The following EXTL3 variants were observed in gnomAD, a reference collection of about 807,000 sequenced individuals.
The protein encoded by EXTL3 is exostosin like glycosyltransferase 3.
In EXTL3, 27 loss-of-function variants were observed where a neutral mutation model predicts 69.3. That is an observed-to-expected ratio of 0.39 (90% CI 0.29 to 0.54). The LOEUF is 0.54. Ranked by LOEUF, EXTL3 falls within the 20% of genes least tolerant of loss-of-function variation. The pLI, the probability that EXTL3 is intolerant of heterozygous loss-of-function variation, is 0.69. For synonymous variants in EXTL3, 511 were observed against 499.4 expected, an observed-to-expected ratio of 1.02 and a Z score of -0.31; for missense variants, 1,003 against 1,231.8, an observed-to-expected ratio of 0.81 and a Z score of 2.78.
At chr8:28,618,723 G>A (rs926701831), upstream of EXTL3, among the ~76,000 whole-genome samples, 2 of 152,086 alleles carry the variant, frequency 1.3e-5, no homozygotes, top group Non-Finnish European at 2.9e-5. Flanking sequence ...GGCCAGGCAC[G>A]AGAAAATAGG....
chr8:28,703,375 C>A (rs888634790), intron 1 of EXTL3, among the ~76,000 whole-genome samples: 1 of 152,030 alleles, frequency 6.6e-6, no homozygotes, highest in Admixed American at 6.6e-5. Context: ...GAGTTTTGAC[C>A]TCGGAGTAAA....
intron 1 of EXTL3, among the ~76,000 whole-genome samples, chr8:28,628,640 C>G (rs17088357): frequency 0.058 from 8,828 of 152,232 alleles, 721 homozygotes; most frequent in African/African-American, 0.18. Flanking sequence ...GGCCTAGGAG[C>G]TTGTGACAAA....
At chr8:28,650,196 AGG>A (rs1806895921) in intron 1 of EXTL3, among the ~76,000 whole-genome samples, 1 of 135,708 alleles carries the variant, frequency 7.4e-6, no homozygotes. Flanking sequence ...ACTCTGTCTC[AGG>A]AAAAAAAAAA....
rs140470102 is a variant in EXTL3, at chr8:28,746,862, G to A, written c.2550+3648G>A. On this transcript the variant is annotated intron_variant, in intron 6 of 6. Transcript: ENST00000220562. ...CGCTAATTTTTATATTTTTAGTAGA[G>A]AAGGGGTTTCACCATGTTGGCCAGG... Among the ~76,000 whole-genome samples the A allele has an allele frequency of 3.0e-3, 457 of 152,284 alleles. 3 individuals are homozygous for A. Among genetic ancestry groups the A allele is most frequent in the African/African-American group, 0.011 (442 of 41,552 alleles).
At chr8:28,681,854 GA>G (rs1384740858) in intron 1 of EXTL3, among the ~76,000 whole-genome samples, 1 of 152,154 alleles carries the variant, frequency 6.6e-6, no homozygotes, top group African/African-American at 2.4e-5. Context: ...GGGAATTCGA[GA>G]CCAGCCTGAC....
In EXTL3 at chr8:28,716,896, A is replaced by G; in HGVS notation, c.837A>G (p.Ser279=). ...DGHNHVIINL[S]RKSDTQNLLY... ...ACAACCATGTCATCATCAATCTGTC[A>G]CGTAAGTCAGATACACAGAACCTTC... Residue 279 remains serine, a synonymous_variant, in exon 3 of 7, where the codon TCA becomes TCG. Transcript: ENST00000220562. The surrounding 1 kb of genome is among the most constrained non-coding windows in gnomAD (Gnocchi z 7.1). The G allele has an allele frequency of 6.2e-7, 1 of 1,614,180 alleles. No homozygotes were observed. Among genetic ancestry groups the G allele is most frequent in the Non-Finnish European group, 8.5e-7 (1 of 1,180,024 alleles).
chr8:28,701,860 G>A (rs191953963), intron 1 of EXTL3, among the ~76,000 whole-genome samples: 1,900 of 152,218 alleles, frequency 0.012, 42 homozygotes, highest in African/African-American at 0.043. Flanking sequence ...TGGCTCGGGG[G>A]CCCGGGGAGA....
intron 2 of EXTL3, among the ~76,000 whole-genome samples, chr8:28,609,395 G>T (rs1385414681): frequency 1.3e-5 from 2 of 151,798 alleles, no homozygotes; most frequent in Non-Finnish European, 2.9e-5. Flanking sequence ...GTGGACTTGG[G>T]TGCATTTCGG....
chr8:28,730,726 T>G (rs985409357), intron 3 of EXTL3, among the ~76,000 whole-genome samples: 1 of 152,114 alleles, frequency 6.6e-6, no homozygotes, highest in Non-Finnish European at 1.5e-5. Context: ...ATTTCAAAGG[T>G]GAAGTAACTA....
chr8:28,658,590 C>A (rs1807052775), intron 1 of EXTL3, among the ~76,000 whole-genome samples: 1 of 152,072 alleles, frequency 6.6e-6, no homozygotes, highest in Non-Finnish European at 1.5e-5. Context: ...AAAGTTTCCT[C>A]ATGCACTCTT....
Position 28,718,073 on chromosome 8 carries a change from C to T in EXTL3, c.2014C>T (p.Arg672Trp). The T allele has an allele frequency of 1.9e-6, 3 of 1,613,632 alleles. No individual in the cohort carries two copies. Among genetic ancestry groups the T allele is most frequent in the Non-Finnish European group, 1.7e-6 (2 of 1,179,896 alleles). Reference protein sequence around the residue: ...QFTVVMLTYEREEVLMNSLER... With the variant: ...QFTVVMLTYEWEEVLMNSLER... ...CACGGTGGTGATGTTGACTTATGAG[C>T]GGGAGGAAGTGCTTATGAACTCTTT... The change falls in exon 3 of 7, where the codon CGG becomes TGG. Residue 672 changes from arginine to tryptophan, a missense_variant. Physicochemically the swap from Arg to Trp is moderately radical, Grantham distance 101 (BLOSUM62 -3). This residue lies in a region of EXTL3 where 261 missense variants were observed against 416.4 expected (regional missense o/e 0.63). Coordinates refer to ENST00000220562, the MANE Select transcript of EXTL3 (RefSeq NM_001440.4).
chr8:28,666,346 T>TATGA (rs1055239786), intron 1 of EXTL3, among the ~76,000 whole-genome samples: 1 of 152,094 alleles, frequency 6.6e-6, no homozygotes, highest in Non-Finnish European at 1.5e-5. Flanking sequence ...GGCATGATCA[T>TATGA]GGCTTCCTAC....
At chr8:28,725,377 T>C (rs1056996824) in intron 3 of EXTL3, among the ~76,000 whole-genome samples, 7 of 152,140 alleles carry the variant, frequency 4.6e-5, no homozygotes, top group Admixed American at 2.6e-4. Context: ...TGGGCATTGC[T>C]CCTGGCTTGA....
At chr8:28,637,058 G>A (rs774625858) in intron 1 of EXTL3, among the ~76,000 whole-genome samples, 1 of 152,038 alleles carries the variant, frequency 6.6e-6, no homozygotes, top group Non-Finnish European at 1.5e-5. Flanking sequence ...AGGAAACATA[G>A]TGTTATATCA....
chr8:28,611,854 G>C (rs1355271268), intron 2 of EXTL3, among the ~76,000 whole-genome samples: 1 of 152,184 alleles, frequency 6.6e-6, no homozygotes, highest in African/African-American at 2.4e-5. Flanking sequence ...ATACAGAACC[G>C]AGTCTGTTCG....
At chr8:28,748,677 C>G (rs1354312713) in intron 6 of EXTL3, among the ~76,000 whole-genome samples, 2 of 152,100 alleles carry the variant, frequency 1.3e-5, no homozygotes, top group Non-Finnish European at 2.9e-5. Context: ...TGGAGATCTC[C>G]TACCCGTTGC....
At chr8:28,705,492 A>G (rs1191921365) in intron 1 of EXTL3, among the ~76,000 whole-genome samples, 1 of 151,706 alleles carries the variant, frequency 6.6e-6, no homozygotes, top group Non-Finnish European at 1.5e-5. Context: ...CGGAGGTGAG[A>G]GGATCACCTT....
chr8:28,632,450 G>A (rs1475771869), intron 1 of EXTL3, among the ~76,000 whole-genome samples: 3 of 151,822 alleles, frequency 2.0e-5, no homozygotes, highest in Non-Finnish European at 4.4e-5. Flanking sequence ...TTAAAGTTAA[G>A]GTATATAAAC....
chr8:28,683,059 C>T (rs1807518827), intron 1 of EXTL3, among the ~76,000 whole-genome samples: 1 of 152,160 alleles, frequency 6.6e-6, no homozygotes, highest in Non-Finnish European at 1.5e-5. Context: ...TGTGGAAGAG[C>T]AATTGACTAT....
Sources: gnomAD v4.1 joint callset for allele counts (sites outside exome capture counted in the v4.1 genomes callset) on GRCh38, gnomAD v4.1.1 for gene constraint, gnomAD v4.1.1 regional missense constraint, Gnocchi (gnomAD v3.1) non-coding constraint, MANE v1.5 for transcripts, NCBI Gene and HGNC (gene_info 2026-07-23, HGNC 2026-07-21) for gene names.